BTRC: variants seen among roughly 807,000 people sequenced by gnomAD.
BTRC encodes the protein beta-transducin repeat containing E3 ubiquitin protein ligase, also known as F-box/WD repeat-containing protein 1A.
A neutral mutation model predicts 85.5 loss-of-function variants in BTRC; 42 were observed. The ratio of observed to expected loss-of-function variants is 0.49; its 90% confidence interval spans 0.38 to 0.64. The LOEUF is 0.64. BTRC is among the 30% of genes least tolerant of loss of function. The pLI, the probability that BTRC is intolerant of heterozygous loss-of-function variation, is 0.00. For synonymous variants in BTRC, 255 were observed against 263.3 expected (o/e 0.97, Z 0.30); for missense variants, 594 against 743.5 (o/e 0.80, Z 2.34).
chr10:101,470,739 T>G (rs1381679237), intron 3 of BTRC, among the ~76,000 whole-genome samples: 1 of 152,200 alleles, frequency 6.6e-6, no homozygotes, highest in Non-Finnish European at 1.5e-5. Flanking sequence ...GCTTTATAAG[T>G]TTACTATTTA....
chr10:101,414,861 G>A (rs2134033691), intron 1 of BTRC, among the ~76,000 whole-genome samples: 1 of 151,812 alleles, frequency 6.6e-6, no homozygotes, highest in South Asian at 2.1e-4. Context: ...TGTACAATAT[G>A]TTTGTGTTTT....
At chr10:101,365,394 A>G (rs1238126063) in intron 1 of BTRC, among the ~76,000 whole-genome samples, 1 of 144,736 alleles carries the variant, frequency 6.9e-6, no homozygotes, top group Admixed American at 6.9e-5. Context: ...TAATTTTTTG[A>G]GACAGTCTCA....
intron 1 of BTRC, among the ~76,000 whole-genome samples, chr10:101,362,738 A>C (rs1295396636): frequency 6.6e-6 from 1 of 152,212 alleles, no homozygotes; most frequent in Non-Finnish European, 1.5e-5. Flanking sequence ...AGCCACGAAT[A>C]GCTAACAGCT....
intron 3 of BTRC, among the ~76,000 whole-genome samples, chr10:101,478,182 G>T (rs1945739641): frequency 6.6e-6 from 1 of 151,466 alleles, no homozygotes; most frequent in South Asian, 2.1e-4. Context: ...GCGCCTGTAA[G>T]CCCAGCTACT....
rs745628596 is a variant in BTRC at position 101,455,983 on chromosome 10, AACACACACAC to A, written c.157-5972_157-5963del. Among the ~76,000 whole-genome samples, 8 of 96,000 alleles carry A rather than the reference AACACACACAC, an allele frequency of 8.3e-5. No individual in the cohort carries two copies. In the South Asian group the frequency reaches 1.8e-3, roughly 22 times the overall value. 63.0% of individuals were successfully genotyped at this position (96,000 alleles called of 152,430 possible). On this transcript the variant is annotated intron_variant, in intron 2 of 14. Coordinates refer to ENST00000370187, the MANE Select transcript of BTRC (RefSeq NM_033637.4). ...ATGGTGAAACTCTGTCTCTACTAAA[AACACACACAC>A]ACACACACACACACACACACACACA...
chr10:101,398,350 T>C (rs1266330194), intron 1 of BTRC, among the ~76,000 whole-genome samples: 1 of 152,138 alleles, frequency 6.6e-6, no homozygotes, highest in Non-Finnish European at 1.5e-5. Flanking sequence ...GCTCTGTCGC[T>C]GGAGTACAGT....
intron 1 of BTRC, among the ~76,000 whole-genome samples, chr10:101,366,366 C>G (rs911622969): frequency 6.6e-6 from 1 of 152,066 alleles, no homozygotes; most frequent in African/African-American, 2.4e-5. Context: ...TAAAACTTCT[C>G]TAGAGCTTCA....
At chr10:101,516,194 C>T (rs898972213) in intron 4 of BTRC, among the ~76,000 whole-genome samples, 6 of 152,148 alleles carry the variant, frequency 3.9e-5, no homozygotes, top group East Asian at 1.9e-4. Flanking sequence ...TGTTGATTGA[C>T]GGAACACTTG....
chr10:101,411,460 T>C (rs1251863824), intron 1 of BTRC, among the ~76,000 whole-genome samples: 1 of 152,246 alleles, frequency 6.6e-6, no homozygotes, highest in Admixed American at 6.5e-5. Flanking sequence ...TACAATTTCC[T>C]ATAGGTCACT....
chr10:101,488,885 C>T (rs1371082861), intron 4 of BTRC, among the ~76,000 whole-genome samples: 2 of 152,008 alleles, frequency 1.3e-5, no homozygotes, highest in Non-Finnish European at 2.9e-5. Flanking sequence ...ATGAGGTGAT[C>T]TTTTCTCATA....
chr10:101,389,119 G>T (rs7911990), intron 1 of BTRC, among the ~76,000 whole-genome samples: 23,478 of 41,628 alleles, frequency 0.56, 6,057 homozygotes, highest in Middle Eastern at 0.61. Flanking sequence ...TTTTGTGTGT[G>T]TTTTTTTTTT....
intron 1 of BTRC, among the ~76,000 whole-genome samples, chr10:101,424,183 G>A (rs540897224): frequency 3.9e-5 from 6 of 152,206 alleles, no homozygotes; most frequent in Admixed American, 1.3e-4. Flanking sequence ...GCAGTGAGCC[G>A]AGATCATGGC....
intron 1 of BTRC, among the ~76,000 whole-genome samples, chr10:101,379,373 T>C (rs963699867): frequency 6.6e-6 from 1 of 152,202 alleles, no homozygotes; most frequent in Non-Finnish European, 1.5e-5. Context: ...TACTAATGTC[T>C]TGTGGAAAAA....
chr10:101,384,034 A>G (rs1943003904), intron 1 of BTRC, among the ~76,000 whole-genome samples: 1 of 152,154 alleles, frequency 6.6e-6, no homozygotes, highest in Non-Finnish European at 1.5e-5. Flanking sequence ...ATTGTAAAAC[A>G]TATTTGTAGC....
intron 1 of BTRC, among the ~76,000 whole-genome samples, chr10:101,378,992 A>G (rs1285926744): frequency 6.6e-6 from 1 of 152,234 alleles, no homozygotes; most frequent in Non-Finnish European, 1.5e-5. Flanking sequence ...GCACCTAATT[A>G]TAATGACAAC....
chr10:101,424,673 A>G (rs1017185317), intron 1 of BTRC, among the ~76,000 whole-genome samples: 3 of 152,168 alleles, frequency 2.0e-5, no homozygotes, highest in African/African-American at 7.2e-5. Flanking sequence ...ATTACTCCAG[A>G]CAGCCAAGTG....
chr10:101,366,808 A>T (rs1382235525), intron 1 of BTRC, among the ~76,000 whole-genome samples: 9 of 80,992 alleles, frequency 1.1e-4, no homozygotes, highest in Admixed American at 4.8e-4. Context: ...TTATATATAT[A>T]TTTATATATA....
intron 4 of BTRC, among the ~76,000 whole-genome samples, chr10:101,516,445 G>T (rs1351576891): frequency 6.6e-6 from 1 of 152,088 alleles, no homozygotes; most frequent in Non-Finnish European, 1.5e-5. Context: ...TACAGTATGG[G>T]GTAGTGGTTG....
At chr10:101,474,190 CATT>C (rs1294762245) in intron 3 of BTRC, among the ~76,000 whole-genome samples, 6 of 152,162 alleles carry the variant, frequency 3.9e-5, no homozygotes, top group Non-Finnish European at 1.5e-5. Flanking sequence ...ATATAACCAA[CATT>C]ATAAATGGTA....
Sources: allele counts gnomAD v4.1 joint callset (sites outside exome capture counted in the v4.1 genomes callset), GRCh38; gene constraint gnomAD v4.1.1; transcripts MANE v1.5; gene names NCBI Gene and HGNC (gene_info 2026-07-23, HGNC 2026-07-21).